RBFOX1: variants seen among roughly 807,000 people sequenced by gnomAD.
The protein encoded by RBFOX1 is RNA binding fox-1 homolog 1.
A neutral mutation model predicts 57.7 loss-of-function variants in RBFOX1; 8 were observed. The observed-to-expected ratio is 0.14, with a 90% CI of 0.08 to 0.25. RBFOX1 has a LOEUF of 0.25. Ranked by LOEUF, RBFOX1 falls within the 10% of genes least tolerant of loss-of-function variation. RBFOX1 has a pLI of 1.00. For synonymous variants in RBFOX1, 326 were observed against 222.4 expected (o/e 1.47, Z -4.15); for missense variants, 611 against 548.5 (o/e 1.11, Z -1.14).
chr16:5,704,004 G>T (rs188124245), intron 3 of RBFOX1, among the ~76,000 whole-genome samples: 1 of 152,230 alleles, frequency 6.6e-6, no homozygotes, highest in Non-Finnish European at 1.5e-5. Flanking sequence ...GCTCAGATCT[G>T]TTCTACCTTC....
At chr16:6,737,422 ATT>A (rs2070698907) in intron 3 of RBFOX1, among the ~76,000 whole-genome samples, 4 of 152,210 alleles carry the variant, frequency 2.6e-5, no homozygotes, top group South Asian at 4.1e-4. Flanking sequence ...GCATCACAGT[ATT>A]AAAATAGAAT....
chr16:7,699,494 A>C (rs1378073132), intron 14 of RBFOX1, among the ~76,000 whole-genome samples: 2 of 152,172 alleles, frequency 1.3e-5, no homozygotes, highest in African/African-American at 4.8e-5. Context: ...CACCCAGCCA[A>C]CGTTTTTTGT....
At chr16:6,017,706 G>A (rs1400885969), upstream of RBFOX1, among the ~76,000 whole-genome samples, 4 of 152,266 alleles carry the variant, frequency 2.6e-5, no homozygotes, top group South Asian at 8.3e-4. Flanking sequence ...ATAGTTATAG[G>A]CAGAAGTTCC....
intron 4 of RBFOX1, among the ~76,000 whole-genome samples, chr16:7,205,133 T>C (rs1235346043): frequency 6.6e-6 from 1 of 152,128 alleles, no homozygotes; most frequent in Non-Finnish European, 1.5e-5. Flanking sequence ...CCTTCACTGA[T>C]AGTAAGATAG....
At position 6,135,837 on chromosome 16, in the gene RBFOX1, C is replaced by T. The variant is rs182777533; in HGVS notation, c.-127+115845C>T. Among the ~76,000 whole-genome samples, 468 of 146,126 alleles carry T rather than the reference C, an allele frequency of 3.2e-3. 1 individual carries two copies. The highest frequency in any genetic ancestry group is 0.011 in the African/African-American group (443 of 39,020). Reference sequence around the variant, plus strand: ...TGAGACACAGTCTTGCTCTGTCGCCCAGGCTGGAGTGCAGTGGCACGATCT... The same window carrying T: ...TGAGACACAGTCTTGCTCTGTCGCCTAGGCTGGAGTGCAGTGGCACGATCT... On this transcript the variant is annotated intron_variant, in intron 1 of 15. Transcript: ENST00000550418.
At chr16:7,058,018 A>C (rs991446319) in intron 4 of RBFOX1, among the ~76,000 whole-genome samples, 5 of 151,530 alleles carry the variant, frequency 3.3e-5, no homozygotes, top group Admixed American at 1.3e-4. Flanking sequence ...AAAAAAAAAA[A>C]AAAACACGAA....
At chr16:5,650,180 C>T (rs540581226) in intron 3 of RBFOX1, among the ~76,000 whole-genome samples, 2 of 152,310 alleles carry the variant, frequency 1.3e-5, no homozygotes, top group South Asian at 2.1e-4. Context: ...GTGAAATAGT[C>T]GTAAGACGAG....
intron 1 of RBFOX1, among the ~76,000 whole-genome samples, chr16:5,245,884 C>G (rs1283639883): frequency 1.3e-5 from 2 of 152,192 alleles, no homozygotes; most frequent in East Asian, 1.9e-4. Context: ...TTGACCAAAA[C>G]ATATTAGAGA....
chr16:6,936,366 G>T (rs1407849223), intron 3 of RBFOX1, among the ~76,000 whole-genome samples: 2 of 152,080 alleles, frequency 1.3e-5, no homozygotes, highest in Non-Finnish European at 2.9e-5. Flanking sequence ...ATGAGCATAG[G>T]CACAAACAGA....
chr16:6,482,476 G>A (rs975280639), intron 2 of RBFOX1, among the ~76,000 whole-genome samples: 3 of 152,318 alleles, frequency 2.0e-5, no homozygotes, highest in Admixed American at 2.0e-4. Context: ...CAAAAAAAGT[G>A]AAATAGATCT....
chr16:6,636,237 C>A (rs1339548797), intron 2 of RBFOX1, among the ~76,000 whole-genome samples: 1 of 152,156 alleles, frequency 6.6e-6, no homozygotes, highest in Non-Finnish European at 1.5e-5. Flanking sequence ...GAGGCACGAT[C>A]TCGGCTCACT....
intron 3 of RBFOX1, among the ~76,000 whole-genome samples, chr16:6,851,051 A>T (rs1298187692): frequency 3.3e-5 from 5 of 152,180 alleles, no homozygotes; most frequent in Non-Finnish European, 7.3e-5. Flanking sequence ...AAAAAGAACA[A>T]ATTATTGATG....
At chr16:5,695,633 A>C (rs2050822915) in intron 3 of RBFOX1, among the ~76,000 whole-genome samples, 1 of 152,210 alleles carries the variant, frequency 6.6e-6, no homozygotes, top group African/African-American at 2.4e-5. Flanking sequence ...CGGTAATAAC[A>C]AGTACCACCA....
intron 2 of RBFOX1, among the ~76,000 whole-genome samples, chr16:6,548,246 A>G (rs975381849): frequency 6.6e-6 from 1 of 152,152 alleles, no homozygotes; most frequent in African/African-American, 2.4e-5. Flanking sequence ...TTGTTTTGCT[A>G]GATGTCAGCA....
chr16:7,664,697 C>G, intron 12 of RBFOX1: 1 of 639,374 alleles, frequency 1.6e-6, no homozygotes, highest in South Asian at 2.1e-5. Flanking sequence ...TGGGACCTAG[C>G]ACACCGCCAC....
At chr16:6,690,326 A>G (rs2060024579) in intron 3 of RBFOX1, among the ~76,000 whole-genome samples, 1 of 152,144 alleles carries the variant, frequency 6.6e-6, no homozygotes, top group Non-Finnish European at 1.5e-5. Context: ...TAGAGTGATA[A>G]CATCACCTAT....
chr16:6,140,773 T>G (rs528409275), intron 1 of RBFOX1, among the ~76,000 whole-genome samples: 3 of 152,290 alleles, frequency 2.0e-5, no homozygotes, highest in African/African-American at 7.2e-5. Flanking sequence ...GCAAAACATC[T>G]TTAGCATCTT....
chr16:5,996,720 A>C (rs1301926767), intron 4 of RBFOX1, among the ~76,000 whole-genome samples: 1 of 152,060 alleles, frequency 6.6e-6, no homozygotes, highest in Non-Finnish European at 1.5e-5. Flanking sequence ...GTGGGATTTA[A>C]CTGACGGTCA....
chr16:7,526,445 A>G (rs922538344), intron 5 of RBFOX1, among the ~76,000 whole-genome samples: 1 of 152,136 alleles, frequency 6.6e-6, no homozygotes, highest in African/African-American at 2.4e-5. Context: ...CTGACCATTG[A>G]ACCTCTCTGC....
Sources: gnomAD v4.1 joint callset for allele counts (sites outside exome capture counted in the v4.1 genomes callset) on GRCh38, gnomAD v4.1.1 for gene constraint, MANE v1.5 for transcripts, NCBI Gene and HGNC (gene_info 2026-07-23, HGNC 2026-07-21) for gene names.